Variants in PRR16 observed in about 807,000 individuals in gnomAD.
PRR16 encodes protein Largen.
PRR16 carries 6 observed loss-of-function variants against 18.2 expected under a neutral mutation model. That is an observed-to-expected ratio of 0.33 (90% confidence interval 0.18 to 0.65). The LOEUF (loss-of-function observed/expected upper bound fraction) is 0.65. Ranked by LOEUF, PRR16 falls within the 30% of genes least tolerant of loss-of-function variation. The probability of loss-of-function intolerance (pLI) is 0.74; values close to 1 mark genes in which losing one functional copy is unlikely to be tolerated. For missense variants in PRR16, 412 were observed against 376.6 expected, an observed-to-expected ratio of 1.09 and a Z score of -0.78; for synonymous variants, 151 against 147.8, an observed-to-expected ratio of 1.02 and a Z score of -0.16.
At chr5:120,511,492 T>G (rs1346625271) in intron 1 of PRR16, among the ~76,000 whole-genome samples, 2 of 152,202 alleles carry the variant, frequency 1.3e-5, no homozygotes, top group Admixed American at 6.5e-5. Flanking sequence ...ATCTCTGACC[T>G]ATTATGTAGT....
chr5:120,672,225 G>A (rs915023588), intron 1 of PRR16, among the ~76,000 whole-genome samples: 1 of 146,826 alleles, frequency 6.8e-6, no homozygotes, highest in Non-Finnish European at 1.5e-5. Flanking sequence ...TTCTTGAAGG[G>A]CAGGTGAGGG....
At chr5:120,701,176 A>C in the PRR16 span, among the ~76,000 whole-genome samples, 1 of 152,152 alleles carries the variant, frequency 6.6e-6, no homozygotes, top group African/African-American at 2.4e-5. Context: ...AGGAATTGCA[A>C]CTTTTTTCTA....
At chr5:120,563,708 C>G (rs367781232) in intron 1 of PRR16, among the ~76,000 whole-genome samples, 2 of 152,168 alleles carry the variant, frequency 1.3e-5, no homozygotes, top group Admixed American at 1.3e-4. Context: ...GATCCAAATG[C>G]CTGCCTATTG....
At chr5:120,734,349 G>A in the PRR16 span, among the ~76,000 whole-genome samples, 4 of 152,164 alleles carry the variant, frequency 2.6e-5, no homozygotes, top group East Asian at 7.7e-4. Flanking sequence ...GTGTGTGTGT[G>A]TATGTGTGTG....
the PRR16 span, among the ~76,000 whole-genome samples, chr5:120,734,210 C>T: frequency 2.0e-5 from 3 of 152,220 alleles, no homozygotes; most frequent in South Asian, 2.1e-4. Flanking sequence ...GTATTGGCTC[C>T]GGTGACCATC....
the PRR16 span, among the ~76,000 whole-genome samples, chr5:120,716,014 T>G: frequency 6.6e-5 from 10 of 152,180 alleles, no homozygotes; most frequent in South Asian, 1.4e-3. Flanking sequence ...GCCTCCAATA[T>G]GTCTCATCTG....
chr5:120,539,831 TAG>T (rs1751851635), intron 1 of PRR16, among the ~76,000 whole-genome samples: 1 of 151,826 alleles, frequency 6.6e-6, no homozygotes, highest in Admixed American at 6.6e-5. Flanking sequence ...GTATGAATAT[TAG>T]GTTTTTTTTT....
chr5:120,474,715 T>C (rs1749383940), intron 1 of PRR16, among the ~76,000 whole-genome samples: 1 of 152,210 alleles, frequency 6.6e-6, no homozygotes, highest in Non-Finnish European at 1.5e-5. Flanking sequence ...ATTTTTTTGC[T>C]TTCCATTTTG....
intron 1 of PRR16, among the ~76,000 whole-genome samples, chr5:120,554,701 A>T (rs1752356905): frequency 6.6e-6 from 1 of 150,862 alleles, no homozygotes; most frequent in African/African-American, 2.5e-5. Flanking sequence ...AACAGCCTAG[A>T]TTCCAGCCTT....
intron 1 of PRR16, among the ~76,000 whole-genome samples, chr5:120,673,600 T>C (rs1430596446): frequency 6.6e-6 from 1 of 152,178 alleles, no homozygotes; most frequent in Non-Finnish European, 1.5e-5. Flanking sequence ...ATGGGCTGTC[T>C]ATATACTATC....
intron 1 of PRR16, among the ~76,000 whole-genome samples, chr5:120,585,145 T>C (rs1179951922): frequency 6.6e-6 from 1 of 152,218 alleles, no homozygotes; most frequent in Non-Finnish European, 1.5e-5. Context: ...AAGACAGATA[T>C]GTCAATTCCA....
chr5:120,618,577 A>C (rs1426832433), intron 1 of PRR16: 42 of 925,314 alleles, frequency 4.5e-5, no homozygotes, highest in Non-Finnish European at 5.2e-5. Context: ...TAAGTAAAAA[A>C]GAAGTTATAG....
chr5:120,542,153 G>C lies in PRR16; in HGVS notation c.159+77508G>C, dbSNP rs534418066. Among the ~76,000 whole-genome samples the C allele has an allele frequency of 2.0e-4, 30 of 152,112 alleles. 1 individual carries two copies. In the South Asian group the frequency reaches 6.0e-3, roughly 31 times the overall value. On this transcript the variant is annotated intron_variant, in intron 1 of 1. Transcript: ENST00000407149. ...ATTCAATTTTTGCAGCAACTTTTGG[G>C]CCTTGTTAGTGCCTCGAGTCAGCTT... is the stretch of plus-strand genomic sequence containing the variant.
At chr5:120,628,175 G>A (rs1754929389) in intron 1 of PRR16, among the ~76,000 whole-genome samples, 1 of 151,884 alleles carries the variant, frequency 6.6e-6, no homozygotes, top group Non-Finnish European at 1.5e-5. Context: ...CAGTTGTTTT[G>A]TTTCACTTCA....
chr5:120,746,351 G>A, the PRR16 span, among the ~76,000 whole-genome samples: 2 of 151,978 alleles, frequency 1.3e-5, no homozygotes, highest in African/African-American at 2.4e-5. Flanking sequence ...ACTTTCTTCT[G>A]AAGTTATAAT....
intron 1 of PRR16, among the ~76,000 whole-genome samples, chr5:120,540,705 C>G (rs1335976105): frequency 6.6e-6 from 1 of 151,976 alleles, no homozygotes; most frequent in Non-Finnish European, 1.5e-5. Context: ...TTATTTATAT[C>G]CTACTGCTCA....
chr5:120,659,965 A>G (rs1756120293), intron 1 of PRR16, among the ~76,000 whole-genome samples: 1 of 152,068 alleles, frequency 6.6e-6, no homozygotes, highest in African/African-American at 2.4e-5. Flanking sequence ...CCAGAGCCCC[A>G]GTACTTCTCA....
At chr5:120,690,635 C>T (rs1319245770), downstream of PRR16, among the ~76,000 whole-genome samples, 2 of 152,134 alleles carry the variant, frequency 1.3e-5, no homozygotes, top group African/African-American at 2.4e-5. Context: ...ATCACCTTTT[C>T]TGGGTCAATG....
the PRR16 span, among the ~76,000 whole-genome samples, chr5:120,713,296 A>G: frequency 6.6e-6 from 1 of 152,146 alleles, no homozygotes; most frequent in African/African-American, 2.4e-5. Flanking sequence ...TGTAACCTAG[A>G]TACATAAATG....
Sources: allele counts gnomAD v4.1 joint callset (sites outside exome capture counted in the v4.1 genomes callset), GRCh38; gene constraint gnomAD v4.1.1; transcripts MANE v1.5; gene names NCBI Gene and HGNC (gene_info 2026-07-23, HGNC 2026-07-21).